PPP1R1C: variants seen among roughly 807,000 people sequenced by gnomAD.
PPP1R1C encodes protein phosphatase 1 regulatory subunit 1C.
A neutral mutation model predicts 17.4 loss-of-function variants in PPP1R1C; 15 were observed. That is an observed-to-expected ratio of 0.86 (90% CI 0.58 to 1.33). The LOEUF is 1.33. Among genes scored for constraint, PPP1R1C ranks in the 40% most tolerant of loss-of-function variants. The pLI, the probability that PPP1R1C is intolerant of heterozygous loss-of-function variation, is 0.00. For synonymous variants in PPP1R1C, 35 were observed against 43.1 expected, an observed-to-expected ratio of 0.81 and a Z score of 0.73; for missense variants, 143 against 130.0, an observed-to-expected ratio of 1.10 and a Z score of -0.48.
chr2:182,059,018 C>T (rs1559075845), intron 2 of PPP1R1C, among the ~76,000 whole-genome samples: 1 of 152,192 alleles, frequency 6.6e-6, no homozygotes, highest in East Asian at 1.9e-4. Context: ...TTGTAGTTCA[C>T]GTGTGTATCC....
At chr2:182,126,177 C>G (rs1689867953) in intron 5 of PPP1R1C, among the ~76,000 whole-genome samples, 1 of 151,690 alleles carries the variant, frequency 6.6e-6, no homozygotes, top group Non-Finnish European at 1.5e-5. Context: ...TTTTAAAAGT[C>G]TTTATATGTT....
At chr2:182,106,961 C>T (rs560428360) in intron 4 of PPP1R1C, among the ~76,000 whole-genome samples, 420 of 152,242 alleles carry the variant, frequency 2.8e-3, no homozygotes, top group African/African-American at 9.7e-3. Context: ...AAAAACTCCT[C>T]CCATTTCACA....
intron 4 of PPP1R1C, among the ~76,000 whole-genome samples, chr2:182,078,869 C>T (rs1003415781): frequency 6.6e-6 from 1 of 152,156 alleles, no homozygotes; most frequent in African/African-American, 2.4e-5. Context: ...TGGGTTTCTG[C>T]CCCAACCAAC....
chr2:182,071,656 A>G (rs1688143581), intron 4 of PPP1R1C, among the ~76,000 whole-genome samples: 1 of 152,182 alleles, frequency 6.6e-6, no homozygotes, highest in African/African-American at 2.4e-5. Flanking sequence ...CACATAAATC[A>G]TTTGAAATTC....
chr2:182,103,807 G>A (rs1453527796), intron 4 of PPP1R1C: 1 of 152,240 alleles, frequency 6.6e-6, no homozygotes, highest in Admixed American at 6.5e-5. Context: ...CAAACTGAGT[G>A]GAGGCCTTCC....
chr2:182,019,988 A>G (rs936258747), intron 2 of PPP1R1C, among the ~76,000 whole-genome samples: 9 of 152,228 alleles, frequency 5.9e-5, no homozygotes, highest in Admixed American at 1.3e-4. Flanking sequence ...TGCTTAAGAA[A>G]TCAGTTCCCT....
At chr2:182,000,260 C>T (rs1685723945) in intron 2 of PPP1R1C, among the ~76,000 whole-genome samples, 2 of 152,236 alleles carry the variant, frequency 1.3e-5, no homozygotes, top group East Asian at 3.9e-4. Context: ...AAACCCACCT[C>T]CCTGAAATCA....
chr2:182,019,504 G>T (rs1686354296), intron 2 of PPP1R1C, among the ~76,000 whole-genome samples: 1 of 152,164 alleles, frequency 6.6e-6, no homozygotes, highest in Admixed American at 6.5e-5. Flanking sequence ...GTACTATGCT[G>T]TTTGTTCAAA....
intron 2 of PPP1R1C, among the ~76,000 whole-genome samples, chr2:182,038,058 GATAAGGTCT>G (rs1687066595): frequency 6.6e-6 from 1 of 151,856 alleles, no homozygotes; most frequent in Non-Finnish European, 1.5e-5. Flanking sequence ...ATATATTTGA[GATAAGGTCT>G]CACTCTGTTG....
At chr2:182,043,670 C>G (rs1687254783) in intron 2 of PPP1R1C, among the ~76,000 whole-genome samples, 2 of 150,838 alleles carry the variant, frequency 1.3e-5, no homozygotes, top group South Asian at 4.2e-4. Flanking sequence ...TATAGGTTAC[C>G]ATGAGGTTTC....
At chr2:181,972,652 A>G (rs1285001231) in intron 1 of PPP1R1C, among the ~76,000 whole-genome samples, 1 of 152,194 alleles carries the variant, frequency 6.6e-6, no homozygotes, top group Non-Finnish European at 1.5e-5. Context: ...AGTCACTACA[A>G]GTGACCATAT....
At chr2:181,989,888 A>T (rs959099781) in intron 2 of PPP1R1C, among the ~76,000 whole-genome samples, 16 of 152,206 alleles carry the variant, frequency 1.1e-4, no homozygotes, top group African/African-American at 3.6e-4. Flanking sequence ...TAGGACTTGG[A>T]TAAGTGTGCA....
Position 181,992,392 on chromosome 2 carries a change from G to A in PPP1R1C, c.142+4493G>A, listed in dbSNP as rs1439353543. Among the ~76,000 whole-genome samples the A allele has an allele frequency of 4.5e-5, 6 of 134,142 alleles. 1 individual carries two copies. Among genetic ancestry groups the A allele is most frequent in the East Asian group, 4.0e-4 (2 of 4,980 alleles). The allele number at this position is 134,142 out of a possible 152,430, so 88.0% of individuals were successfully genotyped here. ...CTAAGGGCTTTAATAAACTCTATCC[G>A]AATTCTCCCTATTGCTCTGCCTTTG... On this transcript the variant is annotated intron_variant, in intron 2 of 4. Coordinates refer to ENST00000682840, the MANE Select transcript of PPP1R1C (RefSeq NM_001080545.3).
intron 2 of PPP1R1C, among the ~76,000 whole-genome samples, chr2:181,999,444 G>T (rs1016195199): frequency 6.6e-6 from 1 of 152,114 alleles, no homozygotes; most frequent in Non-Finnish European, 1.5e-5. Context: ...CAGTAAGTAG[G>T]TCTGTAATGT....
At chr2:181,985,155 A>G (rs1685265828), upstream of PPP1R1C, among the ~76,000 whole-genome samples, 1 of 152,242 alleles carries the variant, frequency 6.6e-6, no homozygotes, top group African/African-American at 2.4e-5. This position sits in a 1 kb window ranked among gnomAD's most constrained non-coding sequence, Gnocchi z 4.1. Flanking sequence ...AGGAAATAAA[A>G]TAGAGGTCAT....
At position 181,976,752 on chromosome 2, in the gene PPP1R1C, C is replaced by T. The variant is rs1685098052; in HGVS notation, n.157+1488C>T. Reference sequence around the variant, plus strand: ...TCATCTATAAAATAAATCTAAAAAGCTCCACTCCACTCTTGCTCTTGCTCT... The same window carrying T: ...TCATCTATAAAATAAATCTAAAAAGTTCCACTCCACTCTTGCTCTTGCTCT... On this transcript the variant is annotated intron_variant and non_coding_transcript_variant, in intron 2 of 5. Transcript: ENST00000464264. This position sits in a 1 kb window ranked among gnomAD's most constrained non-coding sequence, Gnocchi z 4.8. Among the ~76,000 whole-genome samples, 1 of 152,126 alleles carries T rather than the reference C, an allele frequency of 6.6e-6. No homozygotes were observed.
At chr2:182,114,859 T>C (rs755233131) in intron 4 of PPP1R1C, among the ~76,000 whole-genome samples, 5 of 152,170 alleles carry the variant, frequency 3.3e-5, no homozygotes, top group Non-Finnish European at 7.3e-5. Flanking sequence ...ATTATTATTA[T>C]AAAATAAATT....
intron 4 of PPP1R1C, among the ~76,000 whole-genome samples, chr2:182,113,775 T>C (rs1454871792): frequency 1.3e-5 from 2 of 152,208 alleles, no homozygotes; most frequent in Non-Finnish European, 2.9e-5. Flanking sequence ...CTTTACTCTT[T>C]GCCATTCATG....
chr2:181,996,461 G>C (rs2125145844), intron 2 of PPP1R1C, among the ~76,000 whole-genome samples: 1 of 152,270 alleles, frequency 6.6e-6, no homozygotes, highest in Middle Eastern at 3.4e-3. Flanking sequence ...ACCTATATCT[G>C]TGAGTCTTCT....
Sources: allele counts gnomAD v4.1 joint callset (sites outside exome capture counted in the v4.1 genomes callset), GRCh38; gene constraint gnomAD v4.1.1; non-coding constraint Gnocchi (gnomAD v3.1); transcripts MANE v1.5; gene names NCBI Gene and HGNC (gene_info 2026-07-23, HGNC 2026-07-21).